CCT6B: variants seen among roughly 807,000 people sequenced by gnomAD.
CCT6B encodes the protein probable T-complex protein 1 subunit zeta-2.
A neutral mutation model predicts 61.5 loss-of-function variants in CCT6B; 49 were observed. That is an observed-to-expected ratio of 0.80 (90% confidence interval 0.63 to 1.01). The LOEUF (loss-of-function observed/expected upper bound fraction) is 1.01. Among genes scored for constraint, CCT6B ranks in the 50% least tolerant of loss-of-function variants. The probability of loss-of-function intolerance (pLI) is 0.00; values close to 1 mark genes in which losing one functional copy is unlikely to be tolerated. For missense variants in CCT6B, 666 were observed against 634.7 expected (o/e 1.05, Z -0.53); for synonymous variants, 228 against 214.5 (o/e 1.06, Z -0.55).
Position 34,961,331 on chromosome 17 carries a change from A to G in CCT6B, c.63T>C (p.Ala21=). Residue 21 remains alanine, a synonymous_variant, in exon 1 of 14, where the codon GCT becomes GCC. Transcript: ENST00000314144. ...AEVARARAAL[A]VNICAARGLQ... is the part of the protein sequence containing the mutation. Reference sequence around the variant, plus strand: ...GCCCTCGGGCGGCGCATATATTGACAGCCAAAGCTGCCCGGGCCCGCGCCA... The same window carrying G: ...GCCCTCGGGCGGCGCATATATTGACGGCCAAAGCTGCCCGGGCCCGCGCCA... 5 of 1,612,944 alleles carry G rather than the reference A, an allele frequency of 3.1e-6. No homozygotes were observed. The highest frequency in any genetic ancestry group is 1.3e-5 in the African/African-American group (1 of 74,996).
intron 7 of CCT6B, among the ~76,000 whole-genome samples, chr17:34,941,090 G>C (rs894301849): frequency 2.6e-5 from 4 of 152,094 alleles, no homozygotes; most frequent in African/African-American, 9.7e-5. Flanking sequence ...AGGCTTTTCA[G>C]ATAATTATGG....
intron 1 of CCT6B, 80 bp from the exon 2 acceptor site, chr17:34,959,730 G>A (rs1331392747): frequency 1.0e-6 from 1 of 984,318 alleles, no homozygotes; most frequent in Non-Finnish European, 1.6e-6. Flanking sequence ...CCTTAATAGA[G>A]GGAACTGGGC....
chr17:34,938,933 A>T (rs543858334), intron 10 of CCT6B, among the ~76,000 whole-genome samples: 77 of 152,062 alleles, frequency 5.1e-4, no homozygotes, highest in African/African-American at 1.8e-3. Context: ...AAATACAAAA[A>T]ATTAGCCAAG....
At chr17:34,930,745 T>C (rs1003831001) in intron 12 of CCT6B, among the ~76,000 whole-genome samples, 11 of 152,232 alleles carry the variant, frequency 7.2e-5, no homozygotes, top group Non-Finnish European at 1.6e-4. Flanking sequence ...TCTGTTTTGT[T>C]CTGTGTGAAG....
chr17:34,942,269 T>C (rs1380280498), intron 7 of CCT6B, among the ~76,000 whole-genome samples: 1 of 152,100 alleles, frequency 6.6e-6, no homozygotes. Context: ...CTTCTTTGAC[T>C]TGTACTAAGG....
At chr17:34,928,906 T>C in intron 13 of CCT6B, 56 bp downstream of exon 13, 1 of 1,009,960 alleles carries the variant, frequency 9.9e-7, no homozygotes, top group Non-Finnish European at 1.5e-6. Context: ...AATTTCATCT[T>C]AATATTATCA....
intron 2 of CCT6B, 26 bp from the exon 3 acceptor site, chr17:34,958,720 A>G: frequency 1.9e-6 from 3 of 1,565,762 alleles, no homozygotes; most frequent in Non-Finnish European, 2.6e-6. Flanking sequence ...AACAGATTTA[A>G]AAAGACAGGA....
chr17:34,960,753 A>G (rs2090404377), intron 1 of CCT6B, among the ~76,000 whole-genome samples: 1 of 152,178 alleles, frequency 6.6e-6, no homozygotes, highest in African/African-American at 2.4e-5. Flanking sequence ...TCTTGTCTAT[A>G]GAAAAGGGTG....
intron 5 of CCT6B, 137 bp from the exon 6 acceptor site, chr17:34,943,043 G>T (rs2090184233): frequency 1.6e-6 from 1 of 609,180 alleles, no homozygotes; most frequent in Non-Finnish European, 2.8e-6. Flanking sequence ...ACAGTTTTTG[G>T]TGTTTTTGTT....
Position 34,942,518 on chromosome 17 carries a change from T to C in CCT6B, c.851A>G (p.Gln284Arg). 6.3e-7 allele frequency: 1 copy of C among 1,596,026 alleles called. No individual in the cohort carries two copies. Reference protein sequence around the residue: ...IIDLKDKVCAQSNKGFVVINQ... With the variant: ...IIDLKDKVCARSNKGFVVINQ... ...AATGACGACAAATCCTTTATTTGACTGAGCACAGACTTTGTCCTTCAGGTC... is the reference window on the plus strand; with the variant it reads ...AATGACGACAAATCCTTTATTTGACCGAGCACAGACTTTGTCCTTCAGGTC... Residue 284 changes from glutamine to arginine, a missense_variant, in exon 7 of 14, where the codon CAG (glutamine) becomes CGG (arginine). Physicochemically the swap from Gln to Arg is conservative, Grantham distance 43. Transcript: ENST00000314144.
intron 10 of CCT6B, among the ~76,000 whole-genome samples, chr17:34,936,019 C>T (rs548416860): frequency 3.2e-4 from 48 of 152,120 alleles, no homozygotes; most frequent in Middle Eastern, 3.4e-3. Flanking sequence ...GGCACGATCT[C>T]GGCTCACTAC....
intron 5 of CCT6B, among the ~76,000 whole-genome samples, chr17:34,946,218 T>C (rs1440196385): frequency 6.6e-6 from 1 of 152,236 alleles, no homozygotes; most frequent in Non-Finnish European, 1.5e-5. Flanking sequence ...GCAAATCCTC[T>C]CTGCAGAAAG....
Position 34,928,105 on chromosome 17 carries a change from G to A in CCT6B, c.1536C>T (p.Ala512=). ...TTTCATCAACCAGGAGAATGTTGGT[G>A]GCAATCACTGTGCTAAGGAAAAAGA... ...KQLLHSCTVI[A]TNILLVDEIM... Residue 512 remains alanine, a synonymous_variant, in exon 14 of 14, where the codon GCC becomes GCT. Coordinates refer to ENST00000314144, the MANE Select transcript of CCT6B (RefSeq NM_006584.4). The A allele has an allele frequency of 6.2e-7, 1 of 1,611,250 alleles. No homozygotes were observed. Among genetic ancestry groups the A allele is most frequent in the Non-Finnish European group, 8.5e-7 (1 of 1,178,362 alleles).
chr17:34,953,110 T>C (rs2090310528), intron 4 of CCT6B, among the ~76,000 whole-genome samples: 1 of 152,094 alleles, frequency 6.6e-6, no homozygotes. Flanking sequence ...TTGGCATTTG[T>C]AGTTCTCAAA....
chr17:34,949,648 T>G (rs1402725527), intron 5 of CCT6B: 2 of 152,126 alleles, frequency 1.3e-5, no homozygotes, highest in East Asian at 1.9e-4. Flanking sequence ...AAGACATTAC[T>G]AGAAAAAAGT....
chr17:34,952,960 C>CTT (rs1274082925), intron 4 of CCT6B, among the ~76,000 whole-genome samples: 1 of 152,120 alleles, frequency 6.6e-6, no homozygotes, highest in Admixed American at 6.6e-5. Flanking sequence ...TTCAAGTACT[C>CTT]TAACAGCAGA....
Position 34,939,674 on chromosome 17 carries a change from A to G in CCT6B, c.1008T>C (p.Phe336=), listed in dbSNP as rs1198213594. 1 of 1,613,514 alleles carries G rather than the reference A, an allele frequency of 6.2e-7. No homozygotes were observed. The highest frequency in any genetic ancestry group is 8.5e-7 in the Non-Finnish European group (1 of 1,179,480). ...LACGGMAVNS[F]EDLTVDCLGH... ...CCAAGCAATCTACAGTGAGATCTTCAAAAGAATTCACGGCCATTCCACCAC... is the reference window on the plus strand; with the variant it reads ...CCAAGCAATCTACAGTGAGATCTTCGAAAGAATTCACGGCCATTCCACCAC... The change falls in exon 9 of 14, where the codon TTT becomes TTC. Residue 336 remains phenylalanine (F), a synonymous_variant. Transcript: ENST00000314144.
intron 10 of CCT6B, among the ~76,000 whole-genome samples, chr17:34,932,989 C>T (rs960274142): frequency 3.3e-5 from 5 of 152,142 alleles, no homozygotes; most frequent in African/African-American, 7.2e-5. Context: ...ACCACGTTGG[C>T]CAGGCTGGTC....
At chr17:34,941,456 A>G (rs978299052) in intron 7 of CCT6B, among the ~76,000 whole-genome samples, 2 of 152,218 alleles carry the variant, frequency 1.3e-5, no homozygotes. Flanking sequence ...TATTATCAGG[A>G]AAGTCTTTTA....
Sources: gnomAD v4.1 joint callset for allele counts (sites outside exome capture counted in the v4.1 genomes callset) on GRCh38, gnomAD v4.1.1 for gene constraint, MANE v1.5 for transcripts, NCBI Gene and HGNC (gene_info 2026-07-23, HGNC 2026-07-21) for gene names.